Variants in KCNIP4 observed in about 807,000 individuals in gnomAD.
KCNIP4 encodes the protein potassium voltage-gated channel interacting protein 4, also known as Kv channel-interacting protein 4.
In KCNIP4, 12 loss-of-function variants were observed where a neutral mutation model predicts 34.0. The ratio of observed to expected loss-of-function variants is 0.35; its 90% CI spans 0.23 to 0.57. The LOEUF is 0.57. Ranked by LOEUF, KCNIP4 falls within the 20% of genes least tolerant of loss-of-function variation. KCNIP4 has a pLI of 0.83. For synonymous variants in KCNIP4, 124 were observed against 102.2 expected (o/e 1.21, Z -1.29); for missense variants, 238 against 311.7 (o/e 0.76, Z 1.78).
intron 1 of KCNIP4, among the ~76,000 whole-genome samples, chr4:21,552,051 AAC>A (rs1738629151): frequency 8.4e-6 from 1 of 119,638 alleles, no homozygotes; most frequent in Non-Finnish European, 1.8e-5. Context: ...AAAAAAAAAA[AAC>A]AAAAAACAAC....
chr4:20,931,188 C>A (rs1202435743), intron 1 of KCNIP4, among the ~76,000 whole-genome samples: 1 of 151,604 alleles, frequency 6.6e-6, no homozygotes, highest in Non-Finnish European at 1.5e-5. Flanking sequence ...CACACACACA[C>A]ACACACACAG....
chr4:20,973,357 A>G (rs897411242), intron 1 of KCNIP4, among the ~76,000 whole-genome samples: 2 of 152,170 alleles, frequency 1.3e-5, no homozygotes, highest in Non-Finnish European at 2.9e-5. Context: ...TTTCTTCTGT[A>G]GCTTCCTTAC....
At chr4:21,761,097 G>C (rs2109168850) in intron 1 of KCNIP4, among the ~76,000 whole-genome samples, 1 of 152,098 alleles carries the variant, frequency 6.6e-6, no homozygotes, top group South Asian at 2.1e-4. Flanking sequence ...ACTTTATTAA[G>C]AACATCCTCT....
At chr4:20,740,785 G>A (rs955540768) in intron 5 of KCNIP4, among the ~76,000 whole-genome samples, 1 of 151,500 alleles carries the variant, frequency 6.6e-6, no homozygotes, top group Non-Finnish European at 1.5e-5. Context: ...CTGGCAAATA[G>A]GATTGTCAAG....
At chr4:21,275,183 G>A (rs887387373) in intron 1 of KCNIP4, among the ~76,000 whole-genome samples, 1 of 152,120 alleles carries the variant, frequency 6.6e-6, no homozygotes, top group Non-Finnish European at 1.5e-5. Flanking sequence ...AGATGAAGAC[G>A]TTGAGATCCT....
rs150485155 is a variant in KCNIP4, at chr4:20,759,991, C to A, written c.289-1101G>T. Among the ~76,000 whole-genome samples, 341 of 152,282 alleles carry A rather than the reference C, an allele frequency of 2.2e-3. 7 individuals carry two copies. The South Asian group carries it at 0.044, about 20-fold the overall frequency. ...TGCAGATAAGAGAAGTTGGTCCTTCCTATCCTGTATCTTTGATCTGCATTT... is the reference window on the plus strand; with the variant it reads ...TGCAGATAAGAGAAGTTGGTCCTTCATATCCTGTATCTTTGATCTGCATTT... On this transcript the variant is annotated intron_variant, in intron 3 of 8. Coordinates refer to ENST00000382152, the MANE Select transcript of KCNIP4 (RefSeq NM_025221.6).
intron 1 of KCNIP4, among the ~76,000 whole-genome samples, chr4:21,341,013 G>T (rs1394150398): frequency 1.3e-5 from 2 of 152,138 alleles, no homozygotes; most frequent in African/African-American, 4.8e-5. Flanking sequence ...ATGGATGGAT[G>T]AAAGTGGGCC....
intron 1 of KCNIP4, among the ~76,000 whole-genome samples, chr4:21,302,324 G>A (rs56218325): frequency 0.028 from 4,209 of 152,214 alleles, 198 homozygotes; most frequent in African/African-American, 0.097. Context: ...TTCCACACAA[G>A]AGCTGAAAGA....
chr4:21,141,325 T>C (rs1347461888), intron 1 of KCNIP4, among the ~76,000 whole-genome samples: 5 of 152,196 alleles, frequency 3.3e-5, no homozygotes, highest in Non-Finnish European at 7.3e-5. Flanking sequence ...AAATGAGGTA[T>C]GTCTGGACAA....
intron 1 of KCNIP4, among the ~76,000 whole-genome samples, chr4:21,516,043 G>T (rs1374562167): frequency 6.6e-6 from 1 of 152,176 alleles, no homozygotes; most frequent in Non-Finnish European, 1.5e-5. Context: ...TAGCTCAATT[G>T]ATTATTGTTC....
chr4:21,923,729 C>T (rs1729073964), intron 1 of KCNIP4, among the ~76,000 whole-genome samples: 1 of 152,222 alleles, frequency 6.6e-6, no homozygotes, highest in African/African-American at 2.4e-5. Context: ...TCTCTGACTA[C>T]ACACAGCATT....
chr4:21,630,067 T>C (rs955752086), intron 1 of KCNIP4, among the ~76,000 whole-genome samples: 3 of 151,178 alleles, frequency 2.0e-5, no homozygotes, highest in Non-Finnish European at 4.4e-5. Flanking sequence ...TCTAGCTATG[T>C]TTCCCAGGCT....
rs190646541 is a variant in KCNIP4, at chr4:21,503,252, C to T, written c.61+445319G>A. ...TGTATTTTCTTGCCTTAGCCACTCT[C>T]TTTTGCCAAATTCTCCTAAATACAC... On this transcript the variant is annotated intron_variant, in intron 1 of 8. Coordinates refer to ENST00000382152, the MANE Select transcript of KCNIP4 (RefSeq NM_025221.6). Among the ~76,000 whole-genome samples, 142 of 152,290 alleles carry T rather than the reference C, an allele frequency of 9.3e-4. 1 individual carries two copies. The highest frequency in any genetic ancestry group is 3.2e-3 in the African/African-American group (133 of 41,562).
At chr4:21,448,151 A>G (rs1728193916) in intron 1 of KCNIP4, among the ~76,000 whole-genome samples, 1 of 152,156 alleles carries the variant, frequency 6.6e-6, no homozygotes, top group South Asian at 2.1e-4. Context: ...TTTGAGAAGC[A>G]TGAAAGAAAA....
chr4:21,258,861 C>T (rs185350073), intron 1 of KCNIP4, among the ~76,000 whole-genome samples: 19 of 152,106 alleles, frequency 1.2e-4, no homozygotes, highest in Admixed American at 1.1e-3. Context: ...AGCTTAGACA[C>T]AGATTTTAAA....
intron 1 of KCNIP4, among the ~76,000 whole-genome samples, chr4:21,126,299 A>G (rs1750607872): frequency 6.6e-6 from 1 of 152,216 alleles, no homozygotes; most frequent in African/African-American, 2.4e-5. Context: ...CTGGCCTTAT[A>G]GGGCCAAGAG....
At chr4:21,653,181 T>C (rs950909620) in intron 1 of KCNIP4, among the ~76,000 whole-genome samples, 4 of 152,192 alleles carry the variant, frequency 2.6e-5, no homozygotes, top group African/African-American at 9.7e-5. Context: ...TACATAATGA[T>C]TAGCCTGTTC....
At chr4:21,574,142 T>C (rs1740561397) in intron 1 of KCNIP4, among the ~76,000 whole-genome samples, 1 of 152,120 alleles carries the variant, frequency 6.6e-6, no homozygotes. Flanking sequence ...GAAATTTTCT[T>C]GTTAATGAAC....
rs370299054 is a variant in KCNIP4 at position 21,589,557 on chromosome 4, G to A, written c.61+359014C>T. Among the ~76,000 whole-genome samples the A allele has an allele frequency of 1.7e-3, 256 of 151,738 alleles. 10 individuals are homozygous for A. The South Asian group carries it at 0.047, about 28-fold the overall frequency. On this transcript the variant is annotated intron_variant, in intron 1 of 8. Transcript: ENST00000382152. ...TGGATAAGCAGACTAAATACTGTAA[G>A]CAAGGAAAATAAGAAACAAGAAGCT...
Sources: allele counts gnomAD v4.1 joint callset (sites outside exome capture counted in the v4.1 genomes callset), GRCh38; gene constraint gnomAD v4.1.1; transcripts MANE v1.5; gene names NCBI Gene and HGNC (gene_info 2026-07-23, HGNC 2026-07-21).